Variants in PDE1C observed in about 807,000 individuals in gnomAD.
PDE1C encodes phosphodiesterase 1C.
In PDE1C, 62 loss-of-function variants were observed where a neutral mutation model predicts 93.1. That is an observed-to-expected ratio of 0.67 (90% confidence interval 0.54 to 0.82). PDE1C has a LOEUF of 0.82. PDE1C is among the 40% of genes least tolerant of loss of function. The probability of loss-of-function intolerance (pLI) is 0.00; values close to 1 mark genes in which losing one functional copy is unlikely to be tolerated. For synonymous variants in PDE1C, 325 were observed against 310.1 expected (o/e 1.05, Z -0.50); for missense variants, 742 against 884.6 (o/e 0.84, Z 2.04).
At chr7:31,844,624 C>G (rs554300602) in intron 9 of PDE1C, among the ~76,000 whole-genome samples, 2 of 151,808 alleles carry the variant, frequency 1.3e-5, no homozygotes, top group Admixed American at 6.6e-5. Flanking sequence ...TTCTTTTCAT[C>G]GAATTTAACC....
Position 31,848,027 on chromosome 7 carries a change from G to GCGA in PDE1C, c.918_920dup (p.Arg307dup). The GCGA allele has an allele frequency of 6.2e-7, 1 of 1,612,542 alleles. No homozygotes were observed. Among genetic ancestry groups the GCGA allele is most frequent in the Non-Finnish European group, 8.5e-7 (1 of 1,178,978 alleles). On this transcript the variant is annotated inframe_insertion, in exon 9 of 18. Coordinates refer to ENST00000396191, the MANE Select transcript of PDE1C (RefSeq NM_001191057.4). ...TCATTTCCTCGTCATCTTGCAGAAG[G>GCGA]CGATAAGCTGCACTTAAATGGTGAT... is the stretch of plus-strand genomic sequence containing the variant.
At chr7:32,251,149 T>C (rs752456209) in intron 1 of PDE1C, among the ~76,000 whole-genome samples, 31 of 152,246 alleles carry the variant, frequency 2.0e-4, no homozygotes, top group Non-Finnish European at 3.1e-4. Context: ...TGTCACACTA[T>C]CCCTGTTCCC....
intron 1 of PDE1C, chr7:32,298,526 G>A: frequency 8.3e-7 from 1 of 1,204,410 alleles, no homozygotes; most frequent in Non-Finnish European, 1.2e-6. Flanking sequence ...CTCCCGCCCG[G>A]AGAGCACCCT....
At chr7:31,720,449 T>A in the PDE1C span, among the ~76,000 whole-genome samples, 1 of 152,156 alleles carries the variant, frequency 6.6e-6, no homozygotes, top group African/African-American at 2.4e-5. Context: ...GCCTCCTGTG[T>A]CGAGTGGGAT....
chr7:31,905,015 G>T (rs1800417368), intron 2 of PDE1C, among the ~76,000 whole-genome samples: 1 of 152,028 alleles, frequency 6.6e-6, no homozygotes, highest in African/African-American at 2.4e-5. Context: ...ATACTGTGGA[G>T]AATACAGGTG....
At chr7:32,020,080 T>C (rs1050242263) in intron 2 of PDE1C, among the ~76,000 whole-genome samples, 1 of 152,072 alleles carries the variant, frequency 6.6e-6, no homozygotes, top group South Asian at 2.1e-4. Context: ...ACTCAGGCCA[T>C]GGAGAGCCCA....
At chr7:31,987,875 G>A (rs1176725959) in intron 2 of PDE1C, among the ~76,000 whole-genome samples, 1 of 152,188 alleles carries the variant, frequency 6.6e-6, no homozygotes, top group Non-Finnish European at 1.5e-5. Flanking sequence ...ATGTGTCTGT[G>A]TTGGTTATTC....
At chr7:32,146,137 A>T (rs1800820083) in intron 3 of PDE1C, among the ~76,000 whole-genome samples, 1 of 152,104 alleles carries the variant, frequency 6.6e-6, no homozygotes, top group South Asian at 2.1e-4. Context: ...CTCTAAGGTT[A>T]TTCTGACACC....
chr7:32,308,556 G>A (rs563419879), intron 1 of PDE1C, among the ~76,000 whole-genome samples: 1 of 152,346 alleles, frequency 6.6e-6, no homozygotes, highest in Admixed American at 6.5e-5. Flanking sequence ...CAATCAGGCA[G>A]CAGCATTTGC....
Position 31,864,931 on chromosome 7 carries a change from T to G in PDE1C, c.750+11A>C. On this transcript the variant is annotated intron_variant, in intron 7 of 17. Coordinates refer to ENST00000396191, the MANE Select transcript of PDE1C (RefSeq NM_001191057.4). ...CTTTTGGGGAACCTAAGAGTTCCTATCCCTACTTACCGCCACTCCTGTCTT... is the reference window on the plus strand; with the variant it reads ...CTTTTGGGGAACCTAAGAGTTCCTAGCCCTACTTACCGCCACTCCTGTCTT... 1 of 1,612,474 alleles carries G rather than the reference T, an allele frequency of 6.2e-7. No individual in the cohort carries two copies. The highest frequency in any genetic ancestry group is 8.5e-7 in the Non-Finnish European group (1 of 1,178,670).
the PDE1C span, among the ~76,000 whole-genome samples, chr7:31,650,609 G>A: frequency 1.5e-4 from 23 of 152,174 alleles, no homozygotes; most frequent in Non-Finnish European, 2.9e-4. Flanking sequence ...TTGTTAGGTG[G>A]ATGAAGCTGA....
chr7:31,952,286 G>A (rs1412284060), intron 2 of PDE1C, among the ~76,000 whole-genome samples: 1 of 151,676 alleles, frequency 6.6e-6, no homozygotes, highest in Non-Finnish European at 1.5e-5. Flanking sequence ...GTCTTGCTCT[G>A]TTATTTGGGC....
At chr7:32,231,487 GACCT>G (rs1807685847) in intron 1 of PDE1C, among the ~76,000 whole-genome samples, 1 of 152,088 alleles carries the variant, frequency 6.6e-6, no homozygotes, top group Non-Finnish European at 1.5e-5. Context: ...TATCTGAATA[GACCT>G]TATACCACTA....
At chr7:32,231,004 T>A (rs866595817) in intron 1 of PDE1C, among the ~76,000 whole-genome samples, 2 of 152,170 alleles carry the variant, frequency 1.3e-5, no homozygotes, top group African/African-American at 4.8e-5. Flanking sequence ...TCTTAAAGCA[T>A]GTGGGGATAA....
At chr7:31,993,374 G>A (rs538278558) in intron 2 of PDE1C, among the ~76,000 whole-genome samples, 1 of 152,130 alleles carries the variant, frequency 6.6e-6, no homozygotes, top group African/African-American at 2.4e-5. Flanking sequence ...AGCTTGACTG[G>A]AATAAGGAGG....
chr7:31,943,549 A>C (rs888430744), intron 2 of PDE1C, among the ~76,000 whole-genome samples: 23 of 152,212 alleles, frequency 1.5e-4, no homozygotes, highest in African/African-American at 5.5e-4. Context: ...TTCCAACCTA[A>C]CATTGTTACT....
At chr7:31,619,643 G>A in the PDE1C span, among the ~76,000 whole-genome samples, 2 of 152,120 alleles carry the variant, frequency 1.3e-5, no homozygotes, top group African/African-American at 2.4e-5. Context: ...TGGCCGAATA[G>A]GAACAGCTCC....
intron 2 of PDE1C, among the ~76,000 whole-genome samples, chr7:32,205,943 T>G (rs537811348): frequency 1.2e-4 from 19 of 152,230 alleles, no homozygotes; most frequent in Non-Finnish European, 2.5e-4. Flanking sequence ...CTGTAAGAAC[T>G]GTAACACTCA....
At chr7:32,255,360 C>G (rs545336806) in intron 1 of PDE1C, among the ~76,000 whole-genome samples, 31 of 152,276 alleles carry the variant, frequency 2.0e-4, no homozygotes, top group African/African-American at 7.2e-4. Context: ...TTTGCATAGA[C>G]CTCAGTTTGC....
Sources: allele counts gnomAD v4.1 joint callset (sites outside exome capture counted in the v4.1 genomes callset), GRCh38; gene constraint gnomAD v4.1.1; transcripts MANE v1.5; gene names NCBI Gene and HGNC (gene_info 2026-07-23, HGNC 2026-07-21).